The following KICS2 variants were observed in gnomAD, a reference collection of about 807,000 sequenced individuals.
KICS2 encodes the protein KICSTOR complex protein C12orf66.
In KICS2, 13 loss-of-function variants were observed where a neutral mutation model predicts 31.4. The observed-to-expected ratio is 0.41, with a 90% CI of 0.27 to 0.66. The LOEUF is 0.66. Ranked by LOEUF, KICS2 falls within the 30% of genes least tolerant of loss-of-function variation. The pLI is 0.28. For synonymous variants in KICS2, 209 were observed against 214.8 expected (o/e 0.97, Z 0.24); for missense variants, 455 against 545.4 (o/e 0.83, Z 1.65).
At position 64,215,882 on chromosome 12, in the gene KICS2, G is replaced by A; in HGVS notation, c.317C>T (p.Thr106Ile). Residue 106 changes from threonine (T) to isoleucine (I), a missense_variant, in exon 2 of 3, where the codon ACT becomes ATT. Coordinates refer to ENST00000398055, the MANE Select transcript of KICS2 (RefSeq NM_152440.5). ...AGTCCCACCCAGGGCACCACGGCCA[G>A]TCACCACCTTCTTCAGCTCATTATG... is the stretch of plus-strand genomic sequence containing the variant. ...SLHNELKKVV[T>I]GRGALGGTAP... The A allele has an allele frequency of 6.2e-7, 1 of 1,613,846 alleles. No homozygotes were observed. Among genetic ancestry groups the A allele is most frequent in the Non-Finnish European group, 8.5e-7 (1 of 1,179,916 alleles).
At chr12:64,195,311 TG>T (rs1404785847) in intron 2 of KICS2, among the ~76,000 whole-genome samples, 1 of 152,202 alleles carries the variant, frequency 6.6e-6, no homozygotes, top group African/African-American at 2.4e-5. Flanking sequence ...TTTCAGAGTG[TG>T]GTCCTAAAGA....
chr12:64,221,318 C>T (rs1444816017), intron 1 of KICS2, among the ~76,000 whole-genome samples: 1 of 152,108 alleles, frequency 6.6e-6, no homozygotes, highest in East Asian at 1.9e-4. Context: ...ATGCATATTC[C>T]ATGCCTTTTA....
intron 2 of KICS2, among the ~76,000 whole-genome samples, chr12:64,204,311 A>G (rs1464323258): frequency 6.6e-6 from 1 of 152,224 alleles, no homozygotes. Flanking sequence ...ACCACGGCAC[A>G]TGTTTACCTA....
chr12:64,220,475 G>A (rs764362818), intron 1 of KICS2, among the ~76,000 whole-genome samples: 2 of 151,648 alleles, frequency 1.3e-5, no homozygotes, highest in Non-Finnish European at 2.9e-5. Context: ...AAAATTATAT[G>A]TACATATATA....
At position 64,207,775 on chromosome 12, in the gene KICS2, C is replaced by T. The variant is rs2037551923; in HGVS notation, c.521+7903G>A. On this transcript the variant is annotated intron_variant, in intron 2 of 2. Coordinates refer to ENST00000398055, the MANE Select transcript of KICS2 (RefSeq NM_152440.5). ...CTCAGGTCAGCCAATCCTAGTAGGC[C>T]TGCAAACACACAAGTGTAAATTTGG... is the stretch of plus-strand genomic sequence containing the variant. Among the ~76,000 whole-genome samples, 4 of 152,094 alleles carry T rather than the reference C, an allele frequency of 2.6e-5. 1 individual carries two copies. In the South Asian group the frequency reaches 8.3e-4, roughly 31 times the overall value.
chr12:64,213,716 C>T (rs1237287513), intron 2 of KICS2, among the ~76,000 whole-genome samples: 5 of 152,174 alleles, frequency 3.3e-5, no homozygotes, highest in Non-Finnish European at 7.3e-5. Context: ...ACCCCCATTT[C>T]CAAATGCCTG....
Position 64,221,798 on chromosome 12 carries a change from C to T in KICS2, c.235+205G>A, listed in dbSNP as rs2037685891. ...CCCTGCAAAGAGCATCTACCCAGTT[C>T]GCCAATCTATCAGCAGCGCAGGCCG... On this transcript the variant is annotated intron_variant, in intron 1 of 2. Coordinates refer to ENST00000398055, the MANE Select transcript of KICS2 (RefSeq NM_152440.5). 10 of 645,834 alleles carry T rather than the reference C, an allele frequency of 1.5e-5. No individual in the cohort carries two copies. In the Admixed American group the frequency reaches 2.9e-4, roughly 19 times the overall value. 40.0% of individuals were successfully genotyped at this position (645,834 alleles called of 1,614,324 possible). A position where few individuals can be genotyped will look rare whatever the true frequency, so the allele number is the denominator to read the frequency against.
At chr12:64,196,296 A>G (rs1252061111) in intron 2 of KICS2, among the ~76,000 whole-genome samples, 1 of 151,358 alleles carries the variant, frequency 6.6e-6, no homozygotes, top group Non-Finnish European at 1.5e-5. Context: ...CTGACCCCTG[A>G]CCCCCGAGCA....
chr12:64,187,525 T>C, downstream of KICS2: 2 of 1,012,400 alleles, frequency 2.0e-6, no homozygotes, highest in East Asian at 2.6e-5. Context: ...ATTTACACCA[T>C]ATCAAGAGAA....
At chr12:64,213,138 A>G (rs946411219) in intron 2 of KICS2, among the ~76,000 whole-genome samples, 2 of 152,032 alleles carry the variant, frequency 1.3e-5, no homozygotes, top group African/African-American at 4.8e-5. Context: ...TAGTAACATA[A>G]TAATTTTTAC....
chr12:64,188,272 C>G (rs1304531928), downstream of KICS2, among the ~76,000 whole-genome samples: 1 of 152,134 alleles, frequency 6.6e-6, no homozygotes, highest in East Asian at 1.9e-4. Context: ...CGTCTGTAAT[C>G]CCAGCACTTG....
At chr12:64,212,392 C>G (rs1423180539) in intron 2 of KICS2, among the ~76,000 whole-genome samples, 1 of 152,140 alleles carries the variant, frequency 6.6e-6, no homozygotes, top group African/African-American at 2.4e-5. Flanking sequence ...TTTGCCTGTT[C>G]TGGGTATTTC....
chr12:64,194,449 T>G lies in KICS2; in HGVS notation c.731A>C (p.Gln244Pro). ...RETKKHLFGG[Q>P]SQKAVQPPHL... ...TGGAGGCTGCACGGCCTTCTGAGAC[T>G]GCCCTCCAAACAGATGTTTCTTGGT... The change falls in exon 3 of 3, where the codon CAG (glutamine) becomes CCG (proline). Residue 244 changes from glutamine (Q) to proline (P), a missense_variant. Physicochemically the swap from Gln to Pro is moderately conservative, Grantham distance 76 (BLOSUM62 -1). Transcript: ENST00000398055. 1 of 1,614,202 alleles carries G rather than the reference T, an allele frequency of 6.2e-7. No homozygotes were observed. Among genetic ancestry groups the G allele is most frequent in the Non-Finnish European group, 8.5e-7 (1 of 1,180,034 alleles).
chr12:64,217,250 T>C (rs2037637776), intron 1 of KICS2, among the ~76,000 whole-genome samples: 6 of 152,112 alleles, frequency 3.9e-5, no homozygotes. Context: ...AAGTCCCACA[T>C]CCTAGAAATC....
intron 2 of KICS2, among the ~76,000 whole-genome samples, chr12:64,207,347 T>C (rs2037548670): frequency 1.3e-5 from 2 of 149,626 alleles, no homozygotes; most frequent in Admixed American, 6.7e-5. Context: ...TTTGATATTA[T>C]GTATTTTTTT....
downstream of KICS2, among the ~76,000 whole-genome samples, chr12:64,188,063 G>A (rs907441334): frequency 3.3e-5 from 5 of 151,780 alleles, no homozygotes; most frequent in African/African-American, 7.3e-5. Flanking sequence ...TTCCTTCCTC[G>A]CTGCCTGAAA....
chr12:64,187,896 T>C (rs1171868884), downstream of KICS2, among the ~76,000 whole-genome samples: 3 of 152,190 alleles, frequency 2.0e-5, no homozygotes, highest in Non-Finnish European at 4.4e-5. Flanking sequence ...CTTGAAAAGA[T>C]TTTAGTTTTG....
downstream of KICS2, chr12:64,187,788 A>T: frequency 1.6e-6 from 1 of 641,632 alleles, no homozygotes; most frequent in Non-Finnish European, 2.6e-6. Flanking sequence ...ACTTGAAAAA[A>T]ATCAGAGGCT....
At chr12:64,207,301 C>CAAAAAAAAAAAAAAAAAAAAAAAA in intron 2 of KICS2, among the ~76,000 whole-genome samples, 1 of 57,344 alleles carries the variant, frequency 1.7e-5, no homozygotes, top group Non-Finnish European at 3.2e-5. Context: ...CAACTCGTCT[C>CAAAAAAAAAAAAAAAAAAAAAAAA]AAAAAAAAAA....
Sources: gnomAD v4.1 joint callset for allele counts (sites outside exome capture counted in the v4.1 genomes callset) on GRCh38, gnomAD v4.1.1 for gene constraint, MANE v1.5 for transcripts, NCBI Gene and HGNC (gene_info 2026-07-23, HGNC 2026-07-21) for gene names.